SAMSN1: variants seen among roughly 807,000 people sequenced by gnomAD.
SAMSN1 encodes SAM domain, SH3 domain and nuclear localization signals 1.
SAMSN1 carries 31 observed loss-of-function variants against 42.0 expected under a neutral mutation model. The ratio of observed to expected loss-of-function variants is 0.74; its 90% CI spans 0.55 to 1.00. The LOEUF is 1.00. Ranked by LOEUF, SAMSN1 falls within the 50% of genes least tolerant of loss-of-function variation. The pLI is 0.00. For synonymous variants in SAMSN1, 178 were observed against 151.9 expected (o/e 1.17, Z -1.26); for missense variants, 464 against 439.4 (o/e 1.06, Z -0.50).
chr21:14,614,326 A>G (rs1013219074), intron 3 of SAMSN1, among the ~76,000 whole-genome samples: 2 of 152,180 alleles, frequency 1.3e-5, no homozygotes, highest in Non-Finnish European at 1.5e-5. Context: ...AAAATTGACT[A>G]TAGGTTGATC....
chr21:14,523,836 C>T (rs558280730), intron 1 of SAMSN1, among the ~76,000 whole-genome samples: 5 of 152,190 alleles, frequency 3.3e-5, no homozygotes, highest in African/African-American at 4.8e-5. Context: ...ATAGCCACCA[C>T]CTTTTAAAAT....
intron 1 of SAMSN1, among the ~76,000 whole-genome samples, chr21:14,524,823 G>T (rs1457629674): frequency 6.6e-6 from 1 of 152,116 alleles, no homozygotes; most frequent in Admixed American, 6.5e-5. Context: ...CTAGCATACA[G>T]TGTAAGGAGA....
intron 1 of SAMSN1, among the ~76,000 whole-genome samples, chr21:14,541,325 A>T (rs201116051): frequency 3.2e-5 from 1 of 31,216 alleles, no homozygotes. Flanking sequence ...AAATCCTGTA[A>T]AAAAAAAAAA....
intron 7 of SAMSN1, among the ~76,000 whole-genome samples, chr21:14,486,336 T>G (rs2123626760): frequency 6.6e-6 from 1 of 152,308 alleles, no homozygotes; most frequent in East Asian, 1.9e-4. Flanking sequence ...TTGCCCTTCA[T>G]TGTTCATTTG....
At chr21:14,582,022 G>A in intron 2 of SAMSN1, 1 of 1,030,576 alleles carries the variant, frequency 9.7e-7, no homozygotes, top group Non-Finnish European at 1.4e-6. Flanking sequence ...TCTTGCTCTG[G>A]TAACTTTTCT....
intron 6 of SAMSN1, among the ~76,000 whole-genome samples, chr21:14,498,945 A>G (rs139600261): frequency 5.9e-5 from 9 of 152,358 alleles, no homozygotes; most frequent in South Asian, 2.1e-4. Context: ...AAGTCTATCA[A>G]TAAAATGCCT....
chr21:14,602,023 C>A, exon 6 of SAMSN1: 1 of 686,584 alleles, frequency 1.5e-6, no homozygotes, highest in South Asian at 1.6e-5. Flanking sequence ...TTCACATTAC[C>A]TGATAGGAAG....
chr21:14,497,774 C>A (rs1210623364), intron 7 of SAMSN1, among the ~76,000 whole-genome samples: 5 of 151,962 alleles, frequency 3.3e-5, no homozygotes, highest in East Asian at 1.9e-4. Context: ...GGGGCCTGAC[C>A]GGATTTGGCA....
In SAMSN1 at chr21:14,496,469, A is replaced by T. The variant is rs548954656; in HGVS notation, c.919+1973T>A. On this transcript the variant is annotated intron_variant, in intron 7 of 7. Coordinates refer to ENST00000400566, the MANE Select transcript of SAMSN1 (RefSeq NM_022136.5). The stretch of plus-strand genomic sequence containing the variant: ...AATACTCTTCTCCTCCCTGTACTTC[A>T]TGGTCAAATCATTTTGGAGAGTATT... 9 of 152,352 alleles carry T rather than the reference A, an allele frequency of 5.9e-5. No individual in the cohort carries two copies. In the South Asian group the frequency reaches 1.7e-3, roughly 28 times the overall value. The allele number at this position is 152,352 out of a possible 1,614,324, so 9.4% of individuals were successfully genotyped here.
At chr21:14,527,626 T>C (rs1978951072) in intron 1 of SAMSN1, among the ~76,000 whole-genome samples, 1 of 152,216 alleles carries the variant, frequency 6.6e-6, no homozygotes, top group Non-Finnish European at 1.5e-5. Flanking sequence ...AGATTCTGAT[T>C]CCACCACGGT....
chr21:14,568,445 G>A (rs1368888604), intron 2 of SAMSN1, among the ~76,000 whole-genome samples: 1 of 152,158 alleles, frequency 6.6e-6, no homozygotes, highest in Non-Finnish European at 1.5e-5. Flanking sequence ...AATAAAAGGT[G>A]TTCAGCATTT....
At chr21:14,487,416 A>G (rs1007064895) in intron 7 of SAMSN1, among the ~76,000 whole-genome samples, 1 of 152,022 alleles carries the variant, frequency 6.6e-6, no homozygotes, top group African/African-American at 2.4e-5. Context: ...ACATTAGTTT[A>G]TGATCCACTG....
chr21:14,656,804 A>G (rs1977016), intron 1 of SAMSN1, among the ~76,000 whole-genome samples: 67,453 of 151,682 alleles, frequency 0.44, 17,736 homozygotes, highest in Non-Finnish European at 0.58. Context: ...CTTAAATAAA[A>G]GATGTTTAAC....
intron 1 of SAMSN1, among the ~76,000 whole-genome samples, chr21:14,655,787 G>T (rs1983905690): frequency 6.6e-6 from 1 of 151,778 alleles, no homozygotes; most frequent in Non-Finnish European, 1.5e-5. Context: ...AGCTAAAGAA[G>T]TTGAGAATAA....
chr21:14,645,134 G>C (rs1482811429), intron 1 of SAMSN1, among the ~76,000 whole-genome samples: 1 of 152,216 alleles, frequency 6.6e-6, no homozygotes, highest in East Asian at 1.9e-4. Flanking sequence ...TTTGCCACCT[G>C]CTGACTGTAG....
chr21:14,506,835 A>T (rs1987433569), intron 5 of SAMSN1, among the ~76,000 whole-genome samples: 3 of 152,180 alleles, frequency 2.0e-5, no homozygotes, highest in Admixed American at 2.0e-4. Flanking sequence ...TATCAAAAAG[A>T]TAACCCACCA....
chr21:14,590,226 G>T (rs1448545834), intron 7 of SAMSN1, among the ~76,000 whole-genome samples: 1 of 151,630 alleles, frequency 6.6e-6, no homozygotes, highest in Non-Finnish European at 1.5e-5. Context: ...GTTTTCTACA[G>T]TGAAGATGTG....
upstream of SAMSN1, among the ~76,000 whole-genome samples, chr21:14,549,644 T>C (rs11700725): frequency 5.3e-5 from 8 of 152,092 alleles, no homozygotes; most frequent in South Asian, 1.7e-3. Flanking sequence ...AAGGTTGTCA[T>C]CACAGAACCC....
intron 7 of SAMSN1, among the ~76,000 whole-genome samples, chr21:14,492,121 A>G (rs1362828099): frequency 2.0e-5 from 3 of 152,174 alleles, no homozygotes; most frequent in Non-Finnish European, 4.4e-5. Context: ...ATTTTTAGTT[A>G]GTATTTTTGT....
Sources: gnomAD v4.1 joint callset for allele counts (sites outside exome capture counted in the v4.1 genomes callset) on GRCh38, gnomAD v4.1.1 for gene constraint, MANE v1.5 for transcripts, NCBI Gene and HGNC (gene_info 2026-07-23, HGNC 2026-07-21) for gene names.